The following AGO2 variants were observed in gnomAD, a reference collection of about 807,000 sequenced individuals.
AGO2 encodes argonaute RISC catalytic component 2, also known as protein argonaute-2.
A neutral mutation model predicts 102.3 loss-of-function variants in AGO2; 5 were observed. The observed-to-expected ratio is 0.05, with a 90% confidence interval of 0.03 to 0.10. AGO2 has a LOEUF of 0.10. Ranked by LOEUF, AGO2 falls within the 10% of genes least tolerant of loss-of-function variation. The probability of loss-of-function intolerance (pLI) is 1.00; values close to 1 mark genes in which losing one functional copy is unlikely to be tolerated. For synonymous variants in AGO2, 449 were observed against 473.1 expected (o/e 0.95, Z 0.66); for missense variants, 541 against 1,183.7 (o/e 0.46, Z 7.97).
chr8:140,560,414 G>T lies in AGO2; in HGVS notation c.615C>A (p.Ser205=), dbSNP rs140423429. 5,302 of 1,614,228 alleles carry T rather than the reference G, an allele frequency of 3.3e-3. 32 individuals carry two copies. Among genetic ancestry groups the T allele is most frequent in the Non-Finnish European group, 2.4e-3 (2,878 of 1,180,034 alleles). The change falls in exon 5 of 19, where the codon TCC becomes TCA. Residue 205 remains serine, a synonymous_variant. Transcript: ENST00000220592. The part of the protein sequence containing the change: ...GREVWFGFHQ[S]VRPSLWKMML... ...TCATTTTCCAGAGAGAAGGCCGGAC[G>T]GACTGATGGAAGCCAAACCACACTT... is the stretch of plus-strand genomic sequence containing the variant.
rs1337394889 is a variant in AGO2 at position 140,551,525 on chromosome 8, CT to C, written c.1270-90del. 5 of 1,338,456 alleles carry C rather than the reference CT, an allele frequency of 3.7e-6. No homozygotes were observed. The East Asian group carries it at 8.2e-5, about 22-fold the overall frequency. 82.9% of individuals were successfully genotyped at this position (1,338,456 alleles called of 1,614,324 possible). A position where few individuals can be genotyped will look rare whatever the true frequency, so the allele number is the denominator to read the frequency against. On this transcript the variant is annotated intron_variant, in intron 10 of 18. Transcript: ENST00000220592. ...TTTGTCACTCTCACTGTTGGTCCCC[CT>C]GACCAACAACTGCTTCTCAGGGAAA...
chr8:140,600,122 G>A (rs34044244), intron 1 of AGO2, among the ~76,000 whole-genome samples: 2,097 of 152,384 alleles, frequency 0.014, 26 homozygotes, highest in South Asian at 0.034. Flanking sequence ...GTTAGAGCCA[G>A]AAAGAATCCA....
intron 3 of AGO2, among the ~76,000 whole-genome samples, chr8:140,563,577 T>C (rs2073235903): frequency 6.6e-6 from 1 of 152,000 alleles, no homozygotes; most frequent in African/African-American, 2.4e-5. Flanking sequence ...AAACCCAGAC[T>C]TAAAAAAATA....
intron 3 of AGO2, among the ~76,000 whole-genome samples, chr8:140,570,021 C>A (rs913052918): frequency 2.6e-5 from 4 of 152,370 alleles, no homozygotes; most frequent in African/African-American, 9.6e-5. Context: ...AAAGACGACA[C>A]TGGGACACGA....
At chr8:140,640,093 T>G (rs1207312421), upstream of AGO2, among the ~76,000 whole-genome samples, 1 of 152,162 alleles carries the variant, frequency 6.6e-6, no homozygotes, top group Non-Finnish European at 1.5e-5. Context: ...ATTGCAGCCT[T>G]CGCCTCCTGG....
Position 140,589,806 on chromosome 8 carries a change from C to G in AGO2, c.23-4495G>C, listed in dbSNP as rs992510325. On this transcript the variant is annotated intron_variant, in intron 1 of 18. Transcript: ENST00000220592. This position sits in a 1 kb window ranked among gnomAD's most constrained non-coding sequence, Gnocchi z 4.2. Reference sequence around the variant, plus strand: ...CGAGATCCGTGCCATCAGCACGAGCCGCAGAACAGGACGGAGTGATGGCTC... The same window carrying G: ...CGAGATCCGTGCCATCAGCACGAGCGGCAGAACAGGACGGAGTGATGGCTC... Among the ~76,000 whole-genome samples the G allele has an allele frequency of 6.6e-6, 1 of 152,020 alleles. No individual in the cohort carries two copies. The highest frequency in any genetic ancestry group is 1.5e-5 in the Non-Finnish European group (1 of 68,002).
chr8:140,565,806 G>A (rs60699406), intron 3 of AGO2, among the ~76,000 whole-genome samples: 25,050 of 152,042 alleles, frequency 0.16, 2,121 homozygotes, highest in East Asian at 0.24. Flanking sequence ...ATAGCTAGGT[G>A]CAGTGGTTCA....
chr8:140,574,422 C>T (rs999517207), intron 2 of AGO2, among the ~76,000 whole-genome samples: 8 of 152,042 alleles, frequency 5.3e-5, no homozygotes, highest in African/African-American at 1.9e-4. Context: ...CCACTATGCC[C>T]AGTTAATTTT....
intron 18 of AGO2, 22 bp downstream of exon 18, chr8:140,532,394 T>A: frequency 6.2e-7 from 1 of 1,602,370 alleles, no homozygotes; most frequent in Non-Finnish European, 8.5e-7. Flanking sequence ...TGCTGTGACC[T>A]CCAGCCAGGC....
chr8:140,625,151 C>A, intron 1 of AGO2, among the ~76,000 whole-genome samples: 1 of 152,226 alleles, frequency 6.6e-6, no homozygotes, highest in East Asian at 1.9e-4. Context: ...TGCCCTCAGC[C>A]TGCACCTGGG....
intron 4 of AGO2, 97 bp from the exon 5 acceptor site, chr8:140,560,607 C>A: frequency 7.1e-7 from 1 of 1,409,504 alleles, no homozygotes; most frequent in East Asian, 2.3e-5. Flanking sequence ...ACCACACCCT[C>A]ATCAGAGTTC....
intron 13 of AGO2, among the ~76,000 whole-genome samples, chr8:140,546,964 G>A (rs1018078192): frequency 6.6e-6 from 1 of 152,196 alleles, no homozygotes; most frequent in African/African-American, 2.4e-5. Context: ...TCAGCCCTGG[G>A]CCTCTGAGAC....
At chr8:140,578,475 G>C (rs963782137) in intron 2 of AGO2, among the ~76,000 whole-genome samples, 25 of 152,206 alleles carry the variant, frequency 1.6e-4, no homozygotes, top group African/African-American at 5.8e-4. Flanking sequence ...AGCCACCTGG[G>C]GACCCTGCTC....
chr8:140,545,706 C>T (rs2072887976), intron 13 of AGO2, among the ~76,000 whole-genome samples: 1 of 152,220 alleles, frequency 6.6e-6, no homozygotes, highest in Non-Finnish European at 1.5e-5. Flanking sequence ...TTCCTTCACA[C>T]ACAGCCCAAT....
chr8:140,558,609 G>A (rs2073141721), intron 6 of AGO2, 37 bp from the exon 7 acceptor site: 1 of 1,604,650 alleles, frequency 6.2e-7, no homozygotes, highest in Non-Finnish European at 8.5e-7. Context: ...CATCGGGGCT[G>A]TCCCGACCTG....
chr8:140,539,181 T>C lies in AGO2; in HGVS notation c.2169+139A>G, dbSNP rs1259276009. The stretch of plus-strand genomic sequence containing the variant: ...TCTAGTGTCTAAACCTGGGTCCCCA[T>C]GAAGCCCCTTAGAGGACAGAGTCAC... On this transcript the variant is annotated intron_variant, in intron 16 of 18. Transcript: ENST00000220592. This position sits in a 1 kb window ranked among gnomAD's most constrained non-coding sequence, Gnocchi z 4.7. 2 of 1,242,502 alleles carry C rather than the reference T, an allele frequency of 1.6e-6. No individual in the cohort carries two copies. The highest frequency in any genetic ancestry group is 2.8e-4 in the Middle Eastern group (1 of 3,582). 77.0% of individuals were successfully genotyped at this position (1,242,502 alleles called of 1,614,324 possible).
At position 140,523,591 on chromosome 8, in the gene AGO2, T is replaced by A. The variant is rs1322167284; in HGVS notation, c.*8453A>T. The A allele has an allele frequency of 1.3e-5, 2 of 152,198 alleles. No individual in the cohort carries two copies. Among genetic ancestry groups the A allele is most frequent in the African/African-American group, 2.4e-5 (1 of 41,442 alleles). 9.4% of individuals were successfully genotyped at this position (152,198 alleles called of 1,614,324 possible). A position where few individuals can be genotyped will look rare whatever the true frequency, so the allele number is the denominator to read the frequency against. On this transcript the variant is annotated 3_prime_UTR_variant, in exon 19 of 19. Coordinates refer to ENST00000220592, the MANE Select transcript of AGO2 (RefSeq NM_012154.5). Reference sequence around the variant, plus strand: ...TATAAATTATTCTCTCAAAACTTTTTAAAAAATAAAAACTTGCTTGCCTCT... The same window carrying A: ...TATAAATTATTCTCTCAAAACTTTTAAAAAAATAAAAACTTGCTTGCCTCT...
the AGO2 span, among the ~76,000 whole-genome samples, chr8:140,641,708 C>G: frequency 2.6e-5 from 4 of 152,180 alleles, no homozygotes; most frequent in East Asian, 5.8e-4. Context: ...CTCAGCCCCC[C>G]GAGTAGCTGG....
intron 1 of AGO2, among the ~76,000 whole-genome samples, chr8:140,609,207 C>T (rs998966570): frequency 7.2e-5 from 11 of 152,338 alleles, no homozygotes; most frequent in African/African-American, 2.4e-4. Flanking sequence ...GAGAGGACTG[C>T]GGGATCCTCA....
Sources: allele counts gnomAD v4.1 joint callset (sites outside exome capture counted in the v4.1 genomes callset), GRCh38; gene constraint gnomAD v4.1.1; non-coding constraint Gnocchi (gnomAD v3.1); transcripts MANE v1.5; gene names NCBI Gene and HGNC (gene_info 2026-07-23, HGNC 2026-07-21).